KAT2B: variants seen among roughly 807,000 people sequenced by gnomAD.
The protein encoded by KAT2B is lysine acetyltransferase 2B.
Under a neutral mutation model 105.9 loss-of-function variants are expected in KAT2B, and 36 were observed. That is an observed-to-expected ratio of 0.34 (90% CI 0.26 to 0.45). The LOEUF is 0.45. KAT2B is among the 20% of genes least tolerant of loss of function. The probability of loss-of-function intolerance (pLI) is 1.00; values close to 1 mark genes in which losing one functional copy is unlikely to be tolerated. For synonymous variants in KAT2B, 397 were observed against 377.9 expected, an observed-to-expected ratio of 1.05 and a Z score of -0.59; for missense variants, 820 against 1,021.6, an observed-to-expected ratio of 0.80 and a Z score of 2.69.
Position 20,148,439 on chromosome 3 carries a change from A to G in KAT2B, c.2257A>G (p.Lys753Glu). ...QSAWPFMEPVKRTEAPGYYEV... is the reference protein window; with the variant it reads ...QSAWPFMEPVERTEAPGYYEV... ...CGCTTGGCCCTTCATGGAACCTGTG[A>G]AGAGAACAGAAGCTCCAGGATATTA... Residue 753 changes from lysine to glutamate, a missense_variant, in exon 17 of 18, where the codon AAG becomes GAG. Coordinates refer to ENST00000263754, the MANE Select transcript of KAT2B (RefSeq NM_003884.5). 6.2e-7 allele frequency: 1 copy of G among 1,610,322 alleles called. No individual in the cohort carries two copies. Among genetic ancestry groups the G allele is most frequent in the Non-Finnish European group, 8.5e-7 (1 of 1,179,034 alleles).
intron 11 of KAT2B, among the ~76,000 whole-genome samples, chr3:20,131,778 G>A (rs371046808): frequency 1.4e-4 from 22 of 152,066 alleles, no homozygotes; most frequent in African/African-American, 5.3e-4. Context: ...TGCCCAGGCT[G>A]GTCTTGAACT....
chr3:20,096,465 T>TA (rs201895705), intron 3 of KAT2B, among the ~76,000 whole-genome samples: 11 of 151,340 alleles, frequency 7.3e-5, no homozygotes, highest in African/African-American at 9.7e-5. Flanking sequence ...GGAATAACCT[T>TA]AAAAAAAAAT....
At chr3:20,104,281 C>A (rs1698960455) in intron 5 of KAT2B, among the ~76,000 whole-genome samples, 1 of 152,040 alleles carries the variant, frequency 6.6e-6, no homozygotes. Context: ...AGTTCTGAAA[C>A]GTGCTGATTT....
chr3:20,044,458 C>T (rs1352980166), intron 1 of KAT2B, among the ~76,000 whole-genome samples: 3 of 152,098 alleles, frequency 2.0e-5, no homozygotes, highest in African/African-American at 7.2e-5. Flanking sequence ...GTAGATCTGA[C>T]CATGTTATAC....
intron 17 of KAT2B, among the ~76,000 whole-genome samples, chr3:20,149,495 C>CAAAAAAAAAAAAAAAAAAA (rs56091316): frequency 0.013 from 546 of 42,392 alleles, 54 homozygotes; most frequent in African/African-American, 0.034. Context: ...GACCGTATCT[C>CAAAAAAAAAAAAAAAAAAA]AAAAAAAAAA....
rs1697694135 is a variant in KAT2B at position 20,040,568 on chromosome 3, G to C, written c.91G>C (p.Ala31Pro). 9.0e-7 allele frequency: 1 copy of C among 1,108,758 alleles called. No individual in the cohort carries two copies. Among genetic ancestry groups the C allele is most frequent in the South Asian group, 4.3e-5 (1 of 23,248 alleles). 68.7% of individuals were successfully genotyped at this position (1,108,758 alleles called of 1,614,324 possible). Residue 31 changes from alanine to proline, a missense_variant, in exon 1 of 18, where the codon GCG (alanine) becomes CCG (proline). Physicochemically the swap from Ala to Pro is conservative, Grantham distance 27 (BLOSUM62 -1). Coordinates refer to ENST00000263754, the MANE Select transcript of KAT2B (RefSeq NM_003884.5). ...CGGGGCGCTGCCCCCGCAGCCTGCG[G>C]CGCTTCCGCCCGCGCCCCCGCAGGG... ...GPGALPPQPA[A>P]LPPAPPQGSP...
intron 1 of KAT2B, among the ~76,000 whole-genome samples, chr3:20,049,340 A>C (rs1290468231): frequency 6.6e-6 from 1 of 152,190 alleles, no homozygotes; most frequent in Non-Finnish European, 1.5e-5. Flanking sequence ...TGGTATTAGC[A>C]GTTTGTGTGT....
At chr3:20,127,919 G>A (rs951082272) in intron 11 of KAT2B, among the ~76,000 whole-genome samples, 3 of 152,172 alleles carry the variant, frequency 2.0e-5, no homozygotes, top group African/African-American at 7.2e-5. Flanking sequence ...GATCTGACAG[G>A]AGGCAGAGCT....
chr3:20,045,745 A>C (rs1697798473), intron 1 of KAT2B, among the ~76,000 whole-genome samples: 1 of 152,194 alleles, frequency 6.6e-6, no homozygotes, highest in Admixed American at 6.5e-5. Context: ...TCTGAATTCA[A>C]ATTTTGGGAT....
chr3:20,118,143 T>G (rs1004624495), intron 7 of KAT2B, among the ~76,000 whole-genome samples: 3 of 147,806 alleles, frequency 2.0e-5, no homozygotes, highest in South Asian at 4.2e-4. Flanking sequence ...TAAAAAAAAA[T>G]TTAGGAGAAA....
In KAT2B at chr3:20,040,688, G is replaced by A. The variant is rs762742633; in HGVS notation, c.211G>A (p.Gly71Ser). 16 of 1,572,322 alleles carry A rather than the reference G, an allele frequency of 1.0e-5. No individual in the cohort carries two copies. The highest frequency in any genetic ancestry group is 1.7e-4 in the Middle Eastern group (1 of 5,738). Reference sequence around the variant, plus strand: ...CACGGCCGAAGGACCGGGAGGCGGTGGCTCGGCCCGAATCGCCGTGAAGAA... The same window carrying A: ...CACGGCCGAAGGACCGGGAGGCGGTAGCTCGGCCCGAATCGCCGTGAAGAA... ...AGTAEGPGGG[G>S]SARIAVKKAQ... The change falls in exon 1 of 18, where the codon GGC (glycine) becomes AGC (serine). Residue 71 changes from glycine to serine, a missense_variant. This residue lies in a region of KAT2B where 190 missense variants were observed against 176.7 expected (regional missense o/e 1.08). Transcript: ENST00000263754.
intron 1 of KAT2B, among the ~76,000 whole-genome samples, chr3:20,068,411 A>G (rs1698262637): frequency 6.7e-6 from 1 of 149,760 alleles, no homozygotes; most frequent in Non-Finnish European, 1.5e-5. Context: ...TGTTTCCCTT[A>G]TACTAGATAC....
Position 20,043,540 on chromosome 3 carries a change from G to A in KAT2B, c.303+2760G>A, listed in dbSNP as rs111346762. On this transcript the variant is annotated intron_variant, in intron 1 of 17. Coordinates refer to ENST00000263754, the MANE Select transcript of KAT2B (RefSeq NM_003884.5). ...GTGGCTGCTAAGAACTCTTGGCAGG[G>A]CAGAGTGGGGTGGGGTGAAGCTTCT... Among the ~76,000 whole-genome samples the A allele has an allele frequency of 4.6e-3, 699 of 152,180 alleles. 7 individuals carry two copies. Among genetic ancestry groups the A allele is most frequent in the Non-Finnish European group, 7.3e-3 (497 of 68,008 alleles).
At position 20,109,806 on chromosome 3, in the gene KAT2B, A is replaced by C. The variant is rs767252159; in HGVS notation, c.852-1790A>C. Among the ~76,000 whole-genome samples the C allele has an allele frequency of 1.7e-3, 261 of 152,230 alleles. 6 individuals are homozygous for C. The highest frequency in any genetic ancestry group is 9.8e-4 in the Admixed American group (15 of 15,282). ...GACAACATTAACACTTAAGATACCC[A>C]TTTCAGTATTGTAAACATAAACAAC... On this transcript the variant is annotated intron_variant, in intron 5 of 17. Coordinates refer to ENST00000263754, the MANE Select transcript of KAT2B (RefSeq NM_003884.5).
chr3:20,091,193 G>A (rs1046808403), intron 2 of KAT2B, among the ~76,000 whole-genome samples: 1 of 152,044 alleles, frequency 6.6e-6, no homozygotes, highest in African/African-American at 2.4e-5. Flanking sequence ...CTTGTTATTA[G>A]TTTGTTCAGA....
intron 1 of KAT2B, among the ~76,000 whole-genome samples, chr3:20,062,282 A>AATATGATATATAAT (rs1251436874): frequency 2.0e-5 from 1 of 50,808 alleles, no homozygotes; most frequent in Non-Finnish European, 4.0e-5. Flanking sequence ...TAATATATAA[A>AATATGATATATAAT]ATATAATATA....
chr3:20,138,052 T>G (rs1699633141), intron 12 of KAT2B, among the ~76,000 whole-genome samples: 1 of 152,250 alleles, frequency 6.6e-6, no homozygotes, highest in Non-Finnish European at 1.5e-5. Context: ...TTTTTAATAG[T>G]GATTTATAAT....
chr3:20,040,605 C>T lies in KAT2B; in HGVS notation c.128C>T (p.Ala43Val). 7.8e-7 allele frequency: 1 copy of T among 1,280,810 alleles called. No homozygotes were observed. The highest frequency in any genetic ancestry group is 9.9e-7 in the Non-Finnish European group (1 of 1,008,936). 79.3% of individuals were successfully genotyped at this position (1,280,810 alleles called of 1,614,324 possible). A position where few individuals can be genotyped will look rare whatever the true frequency, so the allele number is the denominator to read the frequency against. Residue 43 changes from alanine (A) to valine (V), a missense_variant, in exon 1 of 18, where the codon GCC becomes GTC. Physicochemically the swap from Ala to Val is moderately conservative, Grantham distance 64. This residue lies in a region of KAT2B where 190 missense variants were observed against 176.7 expected (regional missense o/e 1.08). Transcript: ENST00000263754. ...GCGCCCCCGCAGGGCTCCCCCTGCG[C>T]CGCTGCCGCCGGGGGCTCGGGCGCC... Reference protein sequence around the residue: ...PPAPPQGSPCAAAAGGSGACG... With the variant: ...PPAPPQGSPCVAAAGGSGACG...
intron 17 of KAT2B, chr3:20,148,712 C>T (rs561793000): frequency 1.4e-5 from 6 of 420,898 alleles, no homozygotes; most frequent in Non-Finnish European, 2.1e-5. Flanking sequence ...ATGAGCTTAA[C>T]GACACTAGAC....
Sources: allele counts gnomAD v4.1 joint callset (sites outside exome capture counted in the v4.1 genomes callset), GRCh38; gene constraint gnomAD v4.1.1; regional missense constraint gnomAD v4.1.1; transcripts MANE v1.5; gene names NCBI Gene and HGNC (gene_info 2026-07-23, HGNC 2026-07-21).